Variants in FRMPD2 observed in about 807,000 individuals in gnomAD.
FRMPD2 encodes FERM and PDZ domain containing 2, also known as FERM and PDZ domain-containing protein 2.
In FRMPD2, 96 loss-of-function variants were observed where a neutral mutation model predicts 140.1. The ratio of observed to expected loss-of-function variants is 0.69; its 90% CI spans 0.58 to 0.81. The LOEUF (loss-of-function observed/expected upper bound fraction) is 0.81, where lower values mean the gene tolerates loss of function less well. Among genes scored for constraint, FRMPD2 ranks in the 40% least tolerant of loss-of-function variants. FRMPD2 has a pLI of 0.00. For missense variants in FRMPD2, 1,240 were observed against 1,447.4 expected (o/e 0.86, Z 2.32); for synonymous variants, 449 against 547.6 (o/e 0.82, Z 2.52).
At position 48,201,249 on chromosome 10, in the gene FRMPD2, G is replaced by C. The variant is rs370791790; in HGVS notation, c.1933C>G (p.Gln645Glu). ...HGFNAQMGSGQPSHVLFDHDK... is the reference protein window; with the variant it reads ...HGFNAQMGSGEPSHVLFDHDK... ...TCACCAAATAAAACATGGGAAGGCT[G>C]CCCAGAGCCCATCTGTGCATTAAAC... is the stretch of plus-strand genomic sequence containing the variant. Residue 645 changes from glutamine (Q) to glutamate (E), a missense_variant, in exon 15 of 29, where the codon CAG becomes GAG. Around this residue, in one of 6 missense-constraint regions of FRMPD2, gnomAD observed 1,161 missense variants for 1,055.9 expected, o/e 1.10. Coordinates refer to ENST00000374201, the MANE Select transcript of FRMPD2 (RefSeq NM_001018071.4). 4 of 1,610,842 alleles carry C rather than the reference G, an allele frequency of 2.5e-6. No homozygotes were observed. In the African/African-American group the frequency reaches 4.0e-5, roughly 16 times the overall value.
Position 48,242,148 on chromosome 10 carries a change from G to C in FRMPD2, c.567+13C>G, listed in dbSNP as rs1328893964. On this transcript the variant is annotated intron_variant, in intron 5 of 28. Coordinates refer to ENST00000374201, the MANE Select transcript of FRMPD2 (RefSeq NM_001018071.4). Reference sequence around the variant, plus strand: ...CAGCAGCTACTGCTTGAAAAGCACGGTTCTCTACTGACCTCAGAAATGGTA... The same window carrying C: ...CAGCAGCTACTGCTTGAAAAGCACGCTTCTCTACTGACCTCAGAAATGGTA... 14 of 1,593,684 alleles carry C rather than the reference G, an allele frequency of 8.8e-6. No individual in the cohort carries two copies. The highest frequency in any genetic ancestry group is 1.2e-5 in the Non-Finnish European group (14 of 1,167,650).
chr10:48,263,536 T>C (rs536101827), intron 1 of FRMPD2, among the ~76,000 whole-genome samples: 8 of 152,258 alleles, frequency 5.3e-5, no homozygotes, highest in African/African-American at 1.9e-4. Flanking sequence ...CCCACAAATG[T>C]AATGACTTAG....
intron 13 of FRMPD2, among the ~76,000 whole-genome samples, chr10:48,209,353 GA>G (rs1384753641): frequency 2.0e-5 from 3 of 152,222 alleles, no homozygotes; most frequent in Non-Finnish European, 4.4e-5. Context: ...AGGTTATTCT[GA>G]GATTAATAAG....
chr10:48,178,606 G>T (rs572200163), intron 21 of FRMPD2, among the ~76,000 whole-genome samples: 306 of 152,270 alleles, frequency 2.0e-3, no homozygotes, highest in African/African-American at 7.0e-3. Flanking sequence ...TACCACAGAG[G>T]ATCATCTGGC....
chr10:48,243,379 G>A (rs575349557), intron 4 of FRMPD2, among the ~76,000 whole-genome samples: 45 of 152,364 alleles, frequency 3.0e-4, no homozygotes, highest in Non-Finnish European at 1.5e-4. Flanking sequence ...ACAAAGGCAC[G>A]AAGATGCAGA....
intron 10 of FRMPD2, among the ~76,000 whole-genome samples, chr10:48,229,768 C>G (rs1054521373): frequency 1.3e-4 from 20 of 152,104 alleles, no homozygotes; most frequent in African/African-American, 4.8e-4. Context: ...GATTTTTAAC[C>G]ATGGCCATTC....
intron 1 of FRMPD2, among the ~76,000 whole-genome samples, chr10:48,255,640 G>A (rs965532345): frequency 1.3e-5 from 2 of 152,238 alleles, no homozygotes; most frequent in Non-Finnish European, 2.9e-5. Flanking sequence ...AAATAATTCT[G>A]TAGAGTGATA....
At chr10:48,222,124 AGGTGGATGGATG>A (rs1158572002) in intron 12 of FRMPD2, among the ~76,000 whole-genome samples, 177 bp downstream of exon 12, 1 of 91,242 alleles carries the variant, frequency 1.1e-5, no homozygotes, top group Non-Finnish European at 2.3e-5. Context: ...ATCAATGAAT[AGGTGGATGGATG>A]GATGGATGGA....
chr10:48,251,873 A>C, intron 1 of FRMPD2, 182 bp from the exon 2 acceptor site: 1 of 607,224 alleles, frequency 1.6e-6, no homozygotes, highest in Admixed American at 3.0e-5. Flanking sequence ...AGTTAAAGAA[A>C]TGTTAATTGG....
chr10:48,244,479 T>A (rs1365089573), intron 4 of FRMPD2, among the ~76,000 whole-genome samples: 2 of 152,244 alleles, frequency 1.3e-5, no homozygotes, highest in Non-Finnish European at 2.9e-5. Context: ...AATCTGTATC[T>A]TCAGTGTCTA....
At chr10:48,201,951 G>A (rs1839095892) in intron 14 of FRMPD2, among the ~76,000 whole-genome samples, 1 of 150,850 alleles carries the variant, frequency 6.6e-6, no homozygotes, top group Non-Finnish European at 1.5e-5. Context: ...AAAAGAGCAA[G>A]AGTCCTCAAA....
At chr10:48,251,906 C>G in intron 1 of FRMPD2, 1 of 539,356 alleles carries the variant, frequency 1.9e-6, no homozygotes, top group Non-Finnish European at 3.3e-6. Flanking sequence ...GTTGGCTGGT[C>G]GGTTCTCAGT....
chr10:48,240,244 G>T, intron 6 of FRMPD2, 116 bp downstream of exon 6: 1 of 1,145,760 alleles, frequency 8.7e-7, no homozygotes, highest in Non-Finnish European at 1.2e-6. Context: ...TGAAAGAGTG[G>T]CACTTACATA....
chr10:48,160,392 G>A lies in FRMPD2; in HGVS notation c.3881+2936C>T, dbSNP rs1286338328. On this transcript the variant is annotated intron_variant, in intron 28 of 28. Transcript: ENST00000374201. Reference sequence around the variant, plus strand: ...GCCACCTGGCAGATGGTAAGTTCCGGCAATTTGCTGGGAATTTCAATTGAA... The same window carrying A: ...GCCACCTGGCAGATGGTAAGTTCCGACAATTTGCTGGGAATTTCAATTGAA... 2.6e-5 allele frequency among the ~76,000 whole-genome samples: 4 copies of A among 151,082 alleles called. No homozygotes were observed. In the East Asian group the frequency reaches 7.7e-4, roughly 29 times the overall value.
intron 14 of FRMPD2, among the ~76,000 whole-genome samples, chr10:48,201,890 C>T (rs1839094496): frequency 6.6e-6 from 1 of 151,648 alleles, no homozygotes; most frequent in Admixed American, 6.6e-5. Flanking sequence ...ATCTTCACAA[C>T]TACAGAATAA....
Position 48,222,640 on chromosome 10 carries a change from G to C in FRMPD2, c.1317-189C>G, listed in dbSNP as rs556618451. ...ATTTATACCATGCCTCCTGCCCCTC[G>C]TTTAGGGCCACTCTATGCCAGTCAC... On this transcript the variant is annotated intron_variant, in intron 11 of 28. Coordinates refer to ENST00000374201, the MANE Select transcript of FRMPD2 (RefSeq NM_001018071.4). Among the ~76,000 whole-genome samples the C allele has an allele frequency of 1.3e-3, 197 of 152,300 alleles. 1 individual carries two copies. Among genetic ancestry groups the C allele is most frequent in the Non-Finnish European group, 2.4e-3 (161 of 68,024 alleles).
intron 1 of FRMPD2, among the ~76,000 whole-genome samples, chr10:48,264,757 A>C (rs1355568103): frequency 6.6e-6 from 1 of 152,204 alleles, no homozygotes; most frequent in African/African-American, 2.4e-5. Context: ...TTAATCCCAG[A>C]AATTTATTTT....
chr10:48,191,469 T>A (rs1213874683), intron 16 of FRMPD2, among the ~76,000 whole-genome samples: 1 of 152,186 alleles, frequency 6.6e-6, no homozygotes, highest in Non-Finnish European at 1.5e-5. Context: ...TGCTTTGGGG[T>A]CGTTTGTTAC....
In FRMPD2 at chr10:48,223,205, C is replaced by T. The variant is rs760118282; in HGVS notation, c.1234G>A (p.Glu412Lys). The T allele has an allele frequency of 6.8e-5, 109 of 1,613,654 alleles. No individual in the cohort carries two copies. The highest frequency in any genetic ancestry group is 9.2e-5 in the Non-Finnish European group (108 of 1,179,708). ...LCKIAPEGWR[E>K]QPQKTSMNTF... ...TTCATGGAGGTCTTCTGAGGCTGCT[C>T]TCTCCAGCCTTCAGGAGCTATTTTG... The change falls in exon 11 of 29, where the codon GAG becomes AAG. Residue 412 changes from glutamate to lysine, a missense_variant. Glu to Lys is a moderately conservative substitution (Grantham distance 56). Transcript: ENST00000374201.
Sources: gnomAD v4.1 joint callset for allele counts (sites outside exome capture counted in the v4.1 genomes callset) on GRCh38, gnomAD v4.1.1 for gene constraint, gnomAD v4.1.1 regional missense constraint, MANE v1.5 for transcripts, NCBI Gene and HGNC (gene_info 2026-07-23, HGNC 2026-07-21) for gene names.